The following RHOBTB2 variants were observed in gnomAD, a reference collection of about 807,000 sequenced individuals.
RHOBTB2 encodes rho-related BTB domain-containing protein 2.
RHOBTB2 carries 39 observed loss-of-function variants against 66.5 expected under a neutral mutation model. That is an observed-to-expected ratio of 0.59 (90% CI 0.45 to 0.77). The LOEUF is 0.77. Among genes scored for constraint, RHOBTB2 ranks in the 30% least tolerant of loss-of-function variants. RHOBTB2 has a pLI of 0.00. For synonymous variants in RHOBTB2, 390 were observed against 395.0 expected (o/e 0.99, Z 0.15); for missense variants, 755 against 999.1 (o/e 0.76, Z 3.29).
chr8:22,986,237 G>C (rs538776886), upstream of RHOBTB2, among the ~76,000 whole-genome samples: 1 of 149,792 alleles, frequency 6.7e-6, no homozygotes, highest in South Asian at 2.1e-4. Context: ...AATGAATCCA[G>C]GTCTTCGATT....
At position 23,017,658 on chromosome 8, in the gene RHOBTB2, G is replaced by A. The variant is rs549465062; in HGVS notation, c.*189G>A. 3.1e-4 allele frequency: 276 copies of A among 883,664 alleles called. 1 individual carries two copies. The highest frequency in any genetic ancestry group is 4.2e-4 in the Non-Finnish European group (251 of 595,684). The allele number at this position is 883,664 out of a possible 1,614,324, so 54.7% of individuals were successfully genotyped here. A position where few individuals can be genotyped will look rare whatever the true frequency, so the allele number is the denominator to read the frequency against. ...GGAGCTGAGCCCTGTGGAGCAGAAC[G>A]GGAACCACCTGCAGAGGTCCCCAGA... On this transcript the variant is annotated 3_prime_UTR_variant, in exon 10 of 10. Coordinates refer to ENST00000251822, the MANE Select transcript of RHOBTB2 (RefSeq NM_015178.3). The surrounding 1 kb of genome is among the most constrained non-coding windows in gnomAD (Gnocchi z 5.3).
chr8:22,993,640 C>T (rs183590867), intron 2 of RHOBTB2, among the ~76,000 whole-genome samples: 72 of 152,342 alleles, frequency 4.7e-4, no homozygotes, highest in African/African-American at 1.6e-3. Context: ...AGGTTGGCAC[C>T]GAGTTCATTG....
At chr8:22,954,803 A>G in the RHOBTB2 span, among the ~76,000 whole-genome samples, 7 of 152,230 alleles carry the variant, frequency 4.6e-5, no homozygotes, top group Admixed American at 2.6e-4. Context: ...CATAGATTTG[A>G]CTATATCTAA....
chr8:22,999,288 CG>C (rs2128800689), upstream of RHOBTB2: 1 of 159,906 alleles, frequency 6.3e-6, no homozygotes, highest in Admixed American at 6.5e-5. Context: ...GGTTCTCCCC[CG>C]CCTCCCGAAG....
the RHOBTB2 span, among the ~76,000 whole-genome samples, chr8:22,972,938 A>G: frequency 2.8e-4 from 43 of 152,276 alleles, no homozygotes; most frequent in African/African-American, 9.9e-4. Context: ...CGATGGGTGC[A>G]GTTTCCCGGG....
intron 7 of RHOBTB2, among the ~76,000 whole-genome samples, chr8:23,011,785 A>C (rs959082639): frequency 6.6e-6 from 1 of 152,194 alleles, no homozygotes; most frequent in African/African-American, 2.4e-5. Flanking sequence ...ATATTCTTGC[A>C]TAGGTCGGGG....
chr8:22,956,424 G>A, the RHOBTB2 span, among the ~76,000 whole-genome samples: 104 of 152,250 alleles, frequency 6.8e-4, no homozygotes, highest in Non-Finnish European at 1.2e-3. Flanking sequence ...TCATGATAGT[G>A]AGTTCTCATG....
At chr8:22,992,485 A>G (rs551448865) in intron 2 of RHOBTB2, among the ~76,000 whole-genome samples, 1 of 152,200 alleles carries the variant, frequency 6.6e-6, no homozygotes, top group South Asian at 2.1e-4. Context: ...TTGGTCAAGG[A>G]GAAGGAGTCT....
Position 23,005,992 on chromosome 8 carries a change from C to G in RHOBTB2, c.329C>G (p.Ala110Gly). ...SDVVVLCFSI[A>G]NPNSLHHVKT... is the part of the protein sequence containing the mutation. ...GTGGTGGTTCTGTGCTTCTCCATTGCCAACCCCAATTCCCTCCACCATGTC... is the reference window on the plus strand; with the variant it reads ...GTGGTGGTTCTGTGCTTCTCCATTGGCAACCCCAATTCCCTCCACCATGTC... The change falls in exon 4 of 10, where the codon GCC (alanine) becomes GGC (glycine). Residue 110 changes from alanine (A) to glycine (G), a missense_variant. Physicochemically the swap from Ala to Gly is moderately conservative, Grantham distance 60. Coordinates refer to ENST00000251822, the MANE Select transcript of RHOBTB2 (RefSeq NM_015178.3). 1 of 1,613,522 alleles carries G rather than the reference C, an allele frequency of 6.2e-7. No individual in the cohort carries two copies. Among genetic ancestry groups the G allele is most frequent in the Non-Finnish European group, 8.5e-7 (1 of 1,179,508 alleles).
upstream of RHOBTB2, chr8:22,999,052 G>A (rs1422635107): frequency 6.6e-6 from 1 of 152,328 alleles, no homozygotes; most frequent in African/African-American, 2.4e-5. Flanking sequence ...AACTCATTAA[G>A]GGCCATGGAG....
chr8:23,004,650 T>TG lies in RHOBTB2; in HGVS notation c.192+29dup. ...AGGTAAGGCTGCAGGACTACCTGGC[T>TG]GGGGGTCCACGCCATGAGTCTGGGC... is the stretch of plus-strand genomic sequence containing the variant. On this transcript the variant is annotated intron_variant, in intron 2 of 9. Transcript: ENST00000251822. The surrounding 1 kb of genome is among the most constrained non-coding windows in gnomAD (Gnocchi z 6.4). 6.3e-7 allele frequency: 1 copy of TG among 1,596,448 alleles called. No individual in the cohort carries two copies. The highest frequency in any genetic ancestry group is 8.5e-7 in the Non-Finnish European group (1 of 1,170,914).
chr8:23,002,113 G>A (rs1255894381), intron 1 of RHOBTB2, among the ~76,000 whole-genome samples: 1 of 152,174 alleles, frequency 6.6e-6, no homozygotes, highest in African/African-American at 2.4e-5. Flanking sequence ...TCATTCCCCC[G>A]CTTCTGTCTA....
At chr8:22,957,772 A>G in the RHOBTB2 span, among the ~76,000 whole-genome samples, 1 of 152,238 alleles carries the variant, frequency 6.6e-6, no homozygotes, top group Non-Finnish European at 1.5e-5. Flanking sequence ...GTTCATTTAC[A>G]GACATAAGTG....
upstream of RHOBTB2, chr8:22,994,603 G>A (rs186695833): frequency 7.1e-6 from 11 of 1,551,426 alleles, no homozygotes; most frequent in African/African-American, 1.4e-4. Context: ...TGGAGAAAAG[G>A]CCCCGATGGC....
the RHOBTB2 span, among the ~76,000 whole-genome samples, chr8:22,963,578 G>A: frequency 5.9e-5 from 9 of 151,726 alleles, no homozygotes; most frequent in Admixed American, 1.3e-4. Context: ...CCATTCTCAC[G>A]CCGCTGATAA....
At chr8:22,976,164 T>TAATAA in the RHOBTB2 span, among the ~76,000 whole-genome samples, 1 of 151,050 alleles carries the variant, frequency 6.6e-6, no homozygotes, top group East Asian at 1.9e-4. Flanking sequence ...AATAAATAAA[T>TAATAA]AATAAAATAA....
At chr8:22,993,144 ATTTTTCTT>A (rs1810465158) in intron 2 of RHOBTB2, among the ~76,000 whole-genome samples, 2 of 151,788 alleles carry the variant, frequency 1.3e-5, no homozygotes, top group Non-Finnish European at 2.9e-5. Flanking sequence ...GATTTATGGG[ATTTTTCTT>A]TTTTTCTTTC....
Position 23,017,588 on chromosome 8 carries a change from AG to A in RHOBTB2, c.*120del. ...CAGGGGGCCCACGTAACCAGGACCC[AG>A]AGGGTGGAGCTCTTCTTACCAGCCA... On this transcript the variant is annotated 3_prime_UTR_variant, in exon 10 of 10. Transcript: ENST00000251822. This position sits in a 1 kb window ranked among gnomAD's most constrained non-coding sequence, Gnocchi z 5.3. 1 of 1,450,558 alleles carries A rather than the reference AG, an allele frequency of 6.9e-7. No homozygotes were observed. Among genetic ancestry groups the A allele is most frequent in the East Asian group, 2.5e-5 (1 of 40,206 alleles). 89.9% of individuals were successfully genotyped at this position (1,450,558 alleles called of 1,614,324 possible). A position where few individuals can be genotyped will look rare whatever the true frequency, so the allele number is the denominator to read the frequency against.
At chr8:22,999,533 C>A (rs1810692672), upstream of RHOBTB2, 1 of 1,116,358 alleles carries the variant, frequency 9.0e-7, no homozygotes, top group Non-Finnish European at 1.1e-6. Flanking sequence ...CCACCAACTG[C>A]GCGCGGCAGT....
Sources: allele counts gnomAD v4.1 joint callset (sites outside exome capture counted in the v4.1 genomes callset), GRCh38; gene constraint gnomAD v4.1.1; non-coding constraint Gnocchi (gnomAD v3.1); transcripts MANE v1.5; gene names NCBI Gene and HGNC (gene_info 2026-07-23, HGNC 2026-07-21).